NPHP4: variants seen among roughly 807,000 people sequenced by gnomAD.
The protein encoded by NPHP4 is nephrocystin 4.
Under a neutral mutation model 155.8 loss-of-function variants are expected in NPHP4, and 151 were observed. That is an observed-to-expected ratio of 0.97 (90% CI 0.85 to 1.11). The LOEUF is 1.11. Among genes scored for constraint, NPHP4 ranks in the 50% least tolerant of loss-of-function variants. The pLI, the probability that NPHP4 is intolerant of heterozygous loss-of-function variation, is 0.00. For synonymous variants in NPHP4, 845 were observed against 816.8 expected (o/e 1.03, Z -0.59); for missense variants, 1,956 against 1,925.7 (o/e 1.02, Z -0.29).
intron 9 of NPHP4, among the ~76,000 whole-genome samples, chr1:5,943,787 G>A (rs1646944981): frequency 6.6e-6 from 1 of 152,190 alleles, no homozygotes; most frequent in Non-Finnish European, 1.5e-5. Context: ...AAGAAATGCA[G>A]TCAAGGTTAG....
chr1:5,959,225 T>C (rs188864725), intron 6 of NPHP4, among the ~76,000 whole-genome samples: 1 of 152,216 alleles, frequency 6.6e-6, no homozygotes. Flanking sequence ...AAAACGTCAT[T>C]AATTTTGCAA....
At chr1:5,866,528 G>C (rs1024816967) in intron 25 of NPHP4, 70 bp from the exon 26 acceptor site, 3 of 878,472 alleles carry the variant, frequency 3.4e-6, no homozygotes, top group African/African-American at 1.6e-5. Context: ...CCCTAAATCT[G>C]TGACTAATAC....
At chr1:5,940,222 A>G (rs1229682458) in intron 9 of NPHP4, among the ~76,000 whole-genome samples, 1 of 152,100 alleles carries the variant, frequency 6.6e-6, no homozygotes, top group Non-Finnish European at 1.5e-5. Context: ...GATGAATGCC[A>G]TTGTCTCGGG....
At chr1:5,879,767 C>T (rs1270559184) in intron 19 of NPHP4, 11 of 402,834 alleles carry the variant, frequency 2.7e-5, no homozygotes, top group East Asian at 1.7e-4. Context: ...AACAGCACCA[C>T]GAATGGTGCG....
chr1:5,885,370 G>T (rs1277492411), intron 18 of NPHP4, among the ~76,000 whole-genome samples: 1 of 152,070 alleles, frequency 6.6e-6, no homozygotes, highest in Non-Finnish European at 1.5e-5. Flanking sequence ...CCGCAACCAA[G>T]ATCACTGCCC....
intron 16 of NPHP4, among the ~76,000 whole-genome samples, chr1:5,897,139 A>C (rs1644433940): frequency 6.6e-6 from 1 of 152,102 alleles, no homozygotes; most frequent in Non-Finnish European, 1.5e-5. Flanking sequence ...TTTTTTAACA[A>C]AGAATGTGAG....
rs2100450315 is a variant in NPHP4 at position 5,867,074 on chromosome 1, C to T, written c.3514G>A (p.Val1172Ile). The change falls in exon 25 of 30, where the codon GTT (valine) becomes ATT (isoleucine). Residue 1172 changes from valine (V) to isoleucine (I), a missense_variant. Coordinates refer to ENST00000378156, the MANE Select transcript of NPHP4 (RefSeq NM_015102.5). The surrounding 1 kb of genome is among the most constrained non-coding windows in gnomAD (Gnocchi z 4.1). ...GMLGEDPPVH[V>I]RCSDPNVICE... is the part of the protein sequence containing the mutation. ...ATGACGTTCGGGTCGCTGCAGCGAA[C>T]ATGGACTGGGGGGTCCTCACCAAGC... 1 of 1,613,306 alleles carries T rather than the reference C, an allele frequency of 6.2e-7. No homozygotes were observed. The highest frequency in any genetic ancestry group is 8.5e-7 in the Non-Finnish European group (1 of 1,179,672).
intron 4 of NPHP4, among the ~76,000 whole-genome samples, 173 bp from the exon 5 acceptor site, chr1:5,967,536 G>C (rs1651758263): frequency 6.6e-6 from 1 of 152,218 alleles, no homozygotes; most frequent in African/African-American, 2.4e-5. Context: ...CCAAGCCGTT[G>C]GTGCTTGTGG....
chr1:5,961,754 A>C, intron 6 of NPHP4, 40 bp downstream of exon 6: 2 of 1,588,728 alleles, frequency 1.3e-6, no homozygotes, highest in Non-Finnish European at 1.7e-6. Flanking sequence ...ACTAGGACAG[A>C]CTCACCTCAC....
rs1300559438 is a variant in NPHP4, at chr1:5,948,122, A to G, written c.940T>C (p.Leu314=). 2 of 1,613,880 alleles carry G rather than the reference A, an allele frequency of 1.2e-6. No homozygotes were observed. The highest frequency in any genetic ancestry group is 1.7e-6 in the Non-Finnish European group (2 of 1,179,870). Residue 314 remains leucine (L), a synonymous_variant, in exon 8 of 30, where the codon TTG becomes CTG. Coordinates refer to ENST00000378156, the MANE Select transcript of NPHP4 (RefSeq NM_015102.5). ...VVLVPEMDVA[L]TRSASFSRKV... is the part of the protein sequence containing the mutation. ...CTGCTGAAGCTAGCTGAGCGCGTCAAGGCCACATCCATCTCAGGCACCAGT... is the reference window on the plus strand; with the variant it reads ...CTGCTGAAGCTAGCTGAGCGCGTCAGGGCCACATCCATCTCAGGCACCAGT...
Position 5,877,302 on chromosome 1 carries a change from C to A in NPHP4, c.2612-4G>T, listed in dbSNP as rs776912822. ...TGTGCTTGCACCACGTGTTTTCCTG[C>A]GAAAGGGTCAGAGCGCGAGTCAGGT... On this transcript the variant is annotated splice_polypyrimidine_tract_variant and splice_region_variant and intron_variant, in intron 19 of 29. Transcript: ENST00000378156. 20 of 1,587,038 alleles carry A rather than the reference C, an allele frequency of 1.3e-5. No homozygotes were observed. Among genetic ancestry groups the A allele is most frequent in the African/African-American group, 1.2e-4 (9 of 74,568 alleles).
rs779319181 is a variant in NPHP4 at position 5,952,834 on chromosome 1, C to T, written c.676G>A (p.Asp226Asn). ...TGGAGGCGAGGCTTTCGGAGAGCGT[C>T]GCCTGAAACAGTGAGGGTGCGAAAA... The part of the protein sequence containing the change: ...GLLPAHGESG[D>N]ALRKPRLQKP... Residue 226 changes from aspartate (D) to asparagine (N), a missense_variant and splice_region_variant, in exon 7 of 30, where the codon GAC becomes AAC. Physicochemically the swap from Asp to Asn is conservative, Grantham distance 23. Transcript: ENST00000378156. The T allele has an allele frequency of 3.8e-6, 6 of 1,598,750 alleles. No individual in the cohort carries two copies. The highest frequency in any genetic ancestry group is 1.1e-5 in the South Asian group (1 of 88,094).
rs545437617 is a variant in NPHP4 at position 5,910,842 on chromosome 1, G to A, written c.1442-1629C>T. Among the ~76,000 whole-genome samples the A allele has an allele frequency of 5.2e-4, 79 of 152,304 alleles. No individual in the cohort carries two copies. Among genetic ancestry groups the A allele is most frequent in the Admixed American group, 1.0e-3 (16 of 15,300 alleles). On this transcript the variant is annotated intron_variant, in intron 11 of 29. Coordinates refer to ENST00000378156, the MANE Select transcript of NPHP4 (RefSeq NM_015102.5). This position sits in a 1 kb window ranked among gnomAD's most constrained non-coding sequence, Gnocchi z 5.4. ...TGCTTCCCCAGCTGCAGGATCTGGT[G>A]GAAACCCTGCTAAGGGCCTGTGGAT...
chr1:5,875,336 C>T (rs934504583), intron 20 of NPHP4, among the ~76,000 whole-genome samples: 82 of 145,094 alleles, frequency 5.7e-4, no homozygotes, highest in Admixed American at 9.5e-4. Context: ...ACACGGAGGT[C>T]CACACAGCAT....
At chr1:5,970,800 G>A (rs1338688833) in intron 3 of NPHP4, among the ~76,000 whole-genome samples, 2 of 152,028 alleles carry the variant, frequency 1.3e-5, no homozygotes, top group African/African-American at 2.4e-5. Flanking sequence ...AACGTTTACT[G>A]TAATCACAGA....
intron 19 of NPHP4, among the ~76,000 whole-genome samples, chr1:5,879,109 G>A (rs1035437020): frequency 5.3e-5 from 8 of 152,184 alleles, no homozygotes; most frequent in Non-Finnish European, 1.0e-4. Context: ...AGTTTCAGGG[G>A]CCTTGTGGGA....
At chr1:5,958,588 G>A (rs566394044) in intron 6 of NPHP4, among the ~76,000 whole-genome samples, 39 of 151,900 alleles carry the variant, frequency 2.6e-4, no homozygotes, top group Non-Finnish European at 4.1e-4. Flanking sequence ...CCAGCTACTC[G>A]GGAGGCTGAG....
chr1:5,989,402 C>T (rs1655921739), intron 1 of NPHP4, among the ~76,000 whole-genome samples: 1 of 152,218 alleles, frequency 6.6e-6, no homozygotes, highest in South Asian at 2.1e-4. Context: ...CCCAGGAGGG[C>T]TTCCCAGGTG....
At chr1:5,942,860 A>T (rs1370249859) in intron 9 of NPHP4, among the ~76,000 whole-genome samples, 1 of 152,134 alleles carries the variant, frequency 6.6e-6, no homozygotes. Context: ...ACAGAAAAGG[A>T]CTGTATTCAC....
Sources: allele counts gnomAD v4.1 joint callset (sites outside exome capture counted in the v4.1 genomes callset), GRCh38; gene constraint gnomAD v4.1.1; non-coding constraint Gnocchi (gnomAD v3.1); transcripts MANE v1.5; gene names NCBI Gene and HGNC (gene_info 2026-07-23, HGNC 2026-07-21).